The following ADGRE3 variants were observed in gnomAD, a reference collection of about 807,000 sequenced individuals.
The protein encoded by ADGRE3 is adhesion G protein-coupled receptor E3.
A neutral mutation model predicts 80.1 loss-of-function variants in ADGRE3; 88 were observed. That is an observed-to-expected ratio of 1.10 (90% CI 0.93 to 1.31). The LOEUF (loss-of-function observed/expected upper bound fraction) is 1.31, where lower values mean the gene tolerates loss of function less well. Ranked by LOEUF, ADGRE3 falls within the 40% of genes most tolerant of loss-of-function variation. ADGRE3 has a pLI of 0.00. For synonymous variants in ADGRE3, 281 were observed against 294.8 expected, an observed-to-expected ratio of 0.95 and a Z score of 0.48; for missense variants, 715 against 776.5, an observed-to-expected ratio of 0.92 and a Z score of 0.94.
intron 9 of ADGRE3, among the ~76,000 whole-genome samples, chr19:14,643,151 T>G (rs1044361740): frequency 1.1e-5 from 1 of 94,432 alleles, no homozygotes; most frequent in African/African-American, 5.1e-5. Context: ...ATGGTTTTTT[T>G]TTTTTTTTTT....
the ADGRE3 span, among the ~76,000 whole-genome samples, chr19:14,612,107 T>C: frequency 6.6e-6 from 1 of 152,186 alleles, no homozygotes; most frequent in Non-Finnish European, 1.5e-5. Flanking sequence ...CTATGTTGGG[T>C]GTTCCTTGTC....
intron 6 of ADGRE3, among the ~76,000 whole-genome samples, 177 bp downstream of exon 6, chr19:14,654,805 C>T (rs886776053): frequency 3.3e-5 from 5 of 152,206 alleles, no homozygotes; most frequent in East Asian, 1.9e-4. Context: ...CCACCCCTCC[C>T]TCCTGCCCCT....
chr19:14,625,136 C>T (rs1017195453), intron 15 of ADGRE3, among the ~76,000 whole-genome samples: 5 of 152,258 alleles, frequency 3.3e-5, no homozygotes, highest in Non-Finnish European at 5.9e-5. Flanking sequence ...CATACCACCA[C>T]ACCCGGCTAA....
At chr19:14,642,497 G>A (rs545068191) in intron 9 of ADGRE3, among the ~76,000 whole-genome samples, 7 of 152,232 alleles carry the variant, frequency 4.6e-5, no homozygotes, top group South Asian at 4.1e-4. Context: ...CCCCTGTCGC[G>A]GGGGTCTCTT....
At chr19:14,637,860 C>T (rs1164023323) in intron 11 of ADGRE3, among the ~76,000 whole-genome samples, 1 of 152,014 alleles carries the variant, frequency 6.6e-6, no homozygotes, top group Middle Eastern at 3.2e-3. Flanking sequence ...GCAAACCCTG[C>T]TGTCTTGGTG....
intron 1 of ADGRE3, among the ~76,000 whole-genome samples, chr19:14,671,922 A>AT (rs1972267763): frequency 6.6e-6 from 1 of 151,992 alleles, no homozygotes; most frequent in African/African-American, 2.4e-5. Context: ...ATTAAAAAAA[A>AT]TTTTTTTGGT....
intron 1 of ADGRE3, among the ~76,000 whole-genome samples, chr19:14,671,856 A>C (rs1972264880): frequency 6.6e-6 from 1 of 151,756 alleles, no homozygotes. Flanking sequence ...GTGCAATCAT[A>C]CCTCACTGTA....
At chr19:14,600,352 G>C in the ADGRE3 span, among the ~76,000 whole-genome samples, 1 of 152,170 alleles carries the variant, frequency 6.6e-6, no homozygotes, top group East Asian at 1.9e-4. Flanking sequence ...AGGTTAAGAA[G>C]ACATGCTTTG....
the ADGRE3 span, among the ~76,000 whole-genome samples, chr19:14,602,192 T>A: frequency 6.6e-6 from 1 of 152,006 alleles, no homozygotes; most frequent in African/African-American, 2.4e-5. Flanking sequence ...TGTCATTATA[T>A]TTAAAATGTT....
the ADGRE3 span, among the ~76,000 whole-genome samples, chr19:14,600,587 CT>C: frequency 1.8e-3 from 255 of 145,204 alleles, 2 homozygotes; most frequent in South Asian, 0.033. Context: ...CTTTTCTTTT[CT>C]TTTTTTTTTT....
intron 2 of ADGRE3, among the ~76,000 whole-genome samples, chr19:14,663,939 G>A (rs1972023099): frequency 6.6e-6 from 1 of 151,582 alleles, no homozygotes; most frequent in African/African-American, 2.4e-5. Context: ...CCCTCCCCCA[G>A]CCCCCCACTC....
intron 5 of ADGRE3, 48 bp downstream of exon 5, chr19:14,658,465 A>G: frequency 6.9e-7 from 1 of 1,449,540 alleles, no homozygotes; most frequent in Non-Finnish European, 9.3e-7. Flanking sequence ...AATATTTGTT[A>G]CTGATGTTTG....
At chr19:14,610,229 A>G in the ADGRE3 span, 1 of 1,547,134 alleles carries the variant, frequency 6.5e-7, no homozygotes, top group African/African-American at 1.4e-5. Flanking sequence ...TCCATATCTG[A>G]GTGTCTCTTT....
intron 4 of ADGRE3, 130 bp downstream of exon 4, chr19:14,661,833 G>A (rs1971951835): frequency 2.2e-6 from 2 of 902,718 alleles, no homozygotes; most frequent in East Asian, 2.6e-5. Flanking sequence ...CCGGGAGGCG[G>A]AGGTTTCAGC....
chr19:14,671,868 C>T (rs1022093203), intron 1 of ADGRE3, among the ~76,000 whole-genome samples: 7 of 151,914 alleles, frequency 4.6e-5, no homozygotes, highest in African/African-American at 1.5e-4. Context: ...CTCACTGTAG[C>T]CTTGAACTCC....
chr19:14,641,401 C>T lies in ADGRE3; in HGVS notation c.1248+18G>A. 1.2e-6 allele frequency: 2 copies of T among 1,614,012 alleles called. No individual in the cohort carries two copies. The highest frequency in any genetic ancestry group is 1.7e-6 in the Non-Finnish European group (2 of 1,179,916). On this transcript the variant is annotated intron_variant, in intron 10 of 15. Transcript: ENST00000253673. ...TACCTTGGGGCAGAAAGGGCATCCT[C>T]TGAGACACTGTCAGTACCTTGGGTT...
At chr19:14,654,901 AT>A (rs555416966) in intron 6 of ADGRE3, 80 bp downstream of exon 6, 1,000 of 1,039,106 alleles carry the variant, frequency 9.6e-4, no homozygotes, top group Non-Finnish European at 1.1e-3. Flanking sequence ...GGTGTATTCA[AT>A]TTTTTTTTTC....
chr19:14,644,131 C>G lies in ADGRE3; in HGVS notation c.1027G>C (p.Val343Leu), dbSNP rs1209980468. ...ACCTGGCTGGTCAGGGCCATCAGGA[C>G]AGCGAAGCTGGACAGGTGACTGCAA... ...CNCSHLSSFA[V>L]LMALTSQEED... is the part of the protein sequence containing the mutation. Residue 343 changes from valine (V) to leucine (L), a missense_variant, in exon 9 of 16, where the codon GTC (valine) becomes CTC (leucine). Coordinates refer to ENST00000253673, the MANE Select transcript of ADGRE3 (RefSeq NM_032571.5). 1 of 1,570,226 alleles carries G rather than the reference C, an allele frequency of 6.4e-7. No individual in the cohort carries two copies. The highest frequency in any genetic ancestry group is 1.4e-5 in the African/African-American group (1 of 72,370).
At chr19:14,636,012 T>TCTTCCTTC (rs1169075414) in intron 11 of ADGRE3, among the ~76,000 whole-genome samples, 55 of 99,316 alleles carry the variant, frequency 5.5e-4, no homozygotes, top group African/African-American at 1.3e-3. Flanking sequence ...TCTCTTTCTT[T>TCTTCCTTC]CTTCCTTCCT....
Sources: gnomAD v4.1 joint callset for allele counts (sites outside exome capture counted in the v4.1 genomes callset) on GRCh38, gnomAD v4.1.1 for gene constraint, MANE v1.5 for transcripts, NCBI Gene and HGNC (gene_info 2026-07-23, HGNC 2026-07-21) for gene names.